The following SARAF variants were observed in gnomAD, a reference collection of about 807,000 sequenced individuals.
SARAF encodes the protein store-operated calcium entry associated regulatory factor.
A neutral mutation model predicts 39.7 loss-of-function variants in SARAF; 23 were observed. That is an observed-to-expected ratio of 0.58 (90% CI 0.42 to 0.82). SARAF has a LOEUF of 0.82. SARAF is among the 40% of genes least tolerant of loss of function. The pLI is 0.00. For missense variants in SARAF, 384 were observed against 418.5 expected, an observed-to-expected ratio of 0.92 and a Z score of 0.72; for synonymous variants, 175 against 168.5, an observed-to-expected ratio of 1.04 and a Z score of -0.30.
intron 1 of SARAF, 115 bp from the exon 2 acceptor site, chr8:30,074,170 CT>C: frequency 8.8e-7 from 1 of 1,138,376 alleles, no homozygotes; most frequent in Non-Finnish European, 1.2e-6. Flanking sequence ...CTGAGGATGG[CT>C]AAGAGAGGAT....
upstream of SARAF, chr8:30,083,170 T>A (rs188704857): frequency 2.7e-3 from 1,216 of 456,022 alleles, 21 homozygotes; most frequent in African/African-American, 0.024. Context: ...CCCCCGCCCC[T>A]GGAGCACAGC....
chr8:30,063,518 C>A lies in SARAF; in HGVS notation c.*370G>T. The A allele has an allele frequency of 4.1e-6, 1 of 246,720 alleles. No individual in the cohort carries two copies. Among genetic ancestry groups the A allele is most frequent in the Non-Finnish European group, 7.8e-6 (1 of 127,946 alleles). 15.3% of individuals were successfully genotyped at this position (246,720 alleles called of 1,614,324 possible). A position where few individuals can be genotyped will look rare whatever the true frequency, so the allele number is the denominator to read the frequency against. ...TCTCTATGAGGTAATAACTCATCAG[C>A]TACAACCACCTAAAACTGAAATTTT... On this transcript the variant is annotated 3_prime_UTR_variant, in exon 6 of 6. Coordinates refer to ENST00000256255, the MANE Select transcript of SARAF (RefSeq NM_016127.6).
chr8:30,063,867 G>T lies in SARAF; in HGVS notation c.*21C>A, dbSNP rs113210453. 1.2e-6 allele frequency: 2 copies of T among 1,611,788 alleles called. No homozygotes were observed. The highest frequency in any genetic ancestry group is 1.3e-5 in the African/African-American group (1 of 74,964). ...AAAATCCAAAATTTCTGCATCCAGT[G>T]TTTGACTCCAACTTTCTACTTTATC... On this transcript the variant is annotated 3_prime_UTR_variant, in exon 6 of 6. Transcript: ENST00000256255.
intron 1 of SARAF, among the ~76,000 whole-genome samples, chr8:30,079,581 G>A (rs1337761918): frequency 3.3e-5 from 5 of 152,178 alleles, no homozygotes; most frequent in Non-Finnish European, 1.5e-5. Context: ...TATTGTAACA[G>A]AGTTGCAATA....
At chr8:30,070,119 T>C in intron 2 of SARAF, 60 bp from the exon 3 acceptor site, 2 of 1,445,500 alleles carry the variant, frequency 1.4e-6, no homozygotes, top group South Asian at 2.7e-5. Context: ...TTAATATATG[T>C]TACTTGGGGG....
Position 30,063,601 on chromosome 8 carries a change from C to G in SARAF, c.*287G>C. The G allele has an allele frequency of 4.4e-6, 2 of 453,534 alleles. No individual in the cohort carries two copies. Among genetic ancestry groups the G allele is most frequent in the Non-Finnish European group, 7.9e-6 (2 of 254,378 alleles). 28.1% of individuals were successfully genotyped at this position (453,534 alleles called of 1,614,324 possible). ...ATTCTTAATGCTTCTTAGGGCATCA[C>G]AGGTTTTAGAAATTAATGTATTTTT... On this transcript the variant is annotated 3_prime_UTR_variant, in exon 6 of 6. Transcript: ENST00000256255.
intron 1 of SARAF, among the ~76,000 whole-genome samples, chr8:30,075,879 G>A (rs922303968): frequency 6.8e-6 from 1 of 146,766 alleles, no homozygotes. Flanking sequence ...GAAGGAGAAA[G>A]TAAATGGACT....
At chr8:30,064,553 A>ATTTTTTTT (rs1213352789) in intron 5 of SARAF, among the ~76,000 whole-genome samples, 35 of 47,666 alleles carry the variant, frequency 7.3e-4, no homozygotes, top group East Asian at 4.1e-3. Context: ...ATATATATAT[A>ATTTTTTTT]TATATATATT....
Position 30,070,097 on chromosome 8 carries a change from CA to C in SARAF, c.283-39del, listed in dbSNP as rs753878777. 96 of 1,531,348 alleles carry C rather than the reference CA, an allele frequency of 6.3e-5. No individual in the cohort carries two copies. In the African/African-American group the frequency reaches 1.2e-3, roughly 19 times the overall value. The allele number at this position is 1,531,348 out of a possible 1,614,324, so 94.9% of individuals were successfully genotyped here. A position where few individuals can be genotyped will look rare whatever the true frequency, so the allele number is the denominator to read the frequency against. On this transcript the variant is annotated intron_variant, in intron 2 of 5. Transcript: ENST00000256255. ...ATAGAAACAGACTATTAGAAACAAA[CA>C]TTTTTTTCATTTAATATATGTTACT...
intron 2 of SARAF, 163 bp downstream of exon 2, chr8:30,073,714 T>C: frequency 1.8e-6 from 1 of 550,296 alleles, no homozygotes; most frequent in Non-Finnish European, 3.1e-6. Context: ...TCATTTCTTT[T>C]GGAGGCCATT....
intron 3 of SARAF, 149 bp from the exon 4 acceptor site, chr8:30,067,067 G>A (rs1801707542): frequency 7.3e-6 from 6 of 820,988 alleles, no homozygotes; most frequent in Non-Finnish European, 9.4e-6. Flanking sequence ...ATTCAAAAAG[G>A]TATTTGTAAA....
intron 1 of SARAF, among the ~76,000 whole-genome samples, chr8:30,078,699 C>A (rs1802029919): frequency 6.6e-6 from 1 of 152,058 alleles, no homozygotes; most frequent in Admixed American, 6.6e-5. Context: ...AAGGTCAATA[C>A]CCTATCTATA....
At position 30,073,723 on chromosome 8, in the gene SARAF, T is replaced by C. The variant is rs574304587; in HGVS notation, c.282+154A>G. ...ATCAGTTCATTTCTTTTGGAGGCCA[T>C]TTCTTCCACAGGAAGAGTGATTGAT... On this transcript the variant is annotated intron_variant, in intron 2 of 5. Transcript: ENST00000256255. 4 of 587,074 alleles carry C rather than the reference T, an allele frequency of 6.8e-6. No homozygotes were observed. The South Asian group carries it at 9.1e-5, about 13-fold the overall frequency. 36.4% of individuals were successfully genotyped at this position (587,074 alleles called of 1,614,324 possible). A position where few individuals can be genotyped will look rare whatever the true frequency, so the allele number is the denominator to read the frequency against.
intron 1 of SARAF, among the ~76,000 whole-genome samples, chr8:30,077,012 G>A (rs927571807): frequency 4.6e-5 from 7 of 152,124 alleles, no homozygotes; most frequent in African/African-American, 1.7e-4. Flanking sequence ...AAGAGATGAC[G>A]CACAAGAAGA....
intron 1 of SARAF, among the ~76,000 whole-genome samples, chr8:30,080,569 G>T (rs1259887321): frequency 6.6e-6 from 1 of 152,194 alleles, no homozygotes; most frequent in African/African-American, 2.4e-5. Flanking sequence ...CCCCAATAGA[G>T]GTAAAGTCCT....
Position 30,073,916 on chromosome 8 carries a change from T to C in SARAF, c.243A>G (p.Ile81Met). The change falls in exon 2 of 6, where the codon ATA (isoleucine) becomes ATG (methionine). Residue 81 changes from isoleucine to methionine, a missense_variant. Physicochemically the swap from Ile to Met is conservative, Grantham distance 10 (BLOSUM62 1). Transcript: ENST00000256255. ...CATCCCAGCCTTTGTTCTGACACTG[T>C]ATGACTTTTGGGGTATAAGAATCAC... ...AGCDSYTPKV[I>M]QCQNKGWDGY... 1.2e-6 allele frequency: 2 copies of C among 1,614,216 alleles called. No homozygotes were observed. Among genetic ancestry groups the C allele is most frequent in the Non-Finnish European group, 1.7e-6 (2 of 1,180,038 alleles).
intron 5 of SARAF, 192 bp downstream of exon 5, chr8:30,065,796 C>A: frequency 1.5e-6 from 1 of 651,110 alleles, no homozygotes; most frequent in Non-Finnish European, 2.6e-6. Context: ...TAGAGCTAAG[C>A]CTAAATCAAA....
chr8:30,064,561 A>ATATATATATATTTTTTTTTTTT (rs1423689069), intron 5 of SARAF, among the ~76,000 whole-genome samples: 1 of 46,236 alleles, frequency 2.2e-5, no homozygotes, highest in Non-Finnish European at 3.4e-5. Context: ...ATATATATAT[A>ATATATATATATTTTTTTTTTTT]TTTTTTTTTT....
At chr8:30,074,467 C>T (rs1186190039) in intron 1 of SARAF, among the ~76,000 whole-genome samples, 3 of 152,118 alleles carry the variant, frequency 2.0e-5, no homozygotes, top group Admixed American at 6.5e-5. Context: ...ACATTCTGAC[C>T]TATTACAGTG....
Sources: gnomAD v4.1 joint callset for allele counts (sites outside exome capture counted in the v4.1 genomes callset) on GRCh38, gnomAD v4.1.1 for gene constraint, MANE v1.5 for transcripts, NCBI Gene and HGNC (gene_info 2026-07-23, HGNC 2026-07-21) for gene names.